Variants in RIMS2 observed in about 807,000 individuals in gnomAD.
RIMS2 encodes regulating synaptic membrane exocytosis protein 2.
A neutral mutation model predicts 174.4 loss-of-function variants in RIMS2; 59 were observed. The observed-to-expected ratio is 0.34, with a 90% CI of 0.27 to 0.42. The LOEUF (loss-of-function observed/expected upper bound fraction) is 0.42, where lower values mean the gene tolerates loss of function less well. RIMS2 is among the 10% of genes least tolerant of loss of function. The pLI, the probability that RIMS2 is intolerant of heterozygous loss-of-function variation, is 1.00. For missense variants in RIMS2, 1,620 were observed against 1,666.3 expected (o/e 0.97, Z 0.48); for synonymous variants, 606 against 572.5 (o/e 1.06, Z -0.84).
chr8:103,824,433 G>C (rs1290268555), intron 3 of RIMS2, among the ~76,000 whole-genome samples: 3 of 151,988 alleles, frequency 2.0e-5, no homozygotes, highest in African/African-American at 7.2e-5. Flanking sequence ...AGAATTCCTA[G>C]GACTCATCCA....
At chr8:103,994,202 C>T (rs753530338) in intron 17 of RIMS2, among the ~76,000 whole-genome samples, 22 of 152,000 alleles carry the variant, frequency 1.4e-4, no homozygotes, top group Admixed American at 8.5e-4. Context: ...AGGGGACATT[C>T]GGCTAATTTC....
At chr8:103,734,163 C>T (rs1451719515) in intron 2 of RIMS2, among the ~76,000 whole-genome samples, 2 of 151,502 alleles carry the variant, frequency 1.3e-5, no homozygotes, top group Non-Finnish European at 2.9e-5. Context: ...CAGGTGCACG[C>T]CACCACACCC....
chr8:103,531,839 T>A (rs573191428), intron 1 of RIMS2, among the ~76,000 whole-genome samples: 1 of 152,310 alleles, frequency 6.6e-6, no homozygotes, highest in East Asian at 1.9e-4. Flanking sequence ...AACCATGGTA[T>A]TTACAGTTGC....
intron 7 of RIMS2, among the ~76,000 whole-genome samples, chr8:103,915,923 T>C (rs576285912): frequency 6.6e-6 from 1 of 152,116 alleles, no homozygotes; most frequent in East Asian, 1.9e-4. Context: ...GCATATTTCC[T>C]ACCGTGTGTG....
chr8:103,993,560 A>C (rs2094869328), intron 17 of RIMS2, among the ~76,000 whole-genome samples: 1 of 152,208 alleles, frequency 6.6e-6, no homozygotes, highest in African/African-American at 2.4e-5. Flanking sequence ...AAGGAAACAT[A>C]TCTCTGATAG....
At chr8:103,895,616 C>G (rs1233955837) in intron 4 of RIMS2, among the ~76,000 whole-genome samples, 1 of 151,536 alleles carries the variant, frequency 6.6e-6, no homozygotes, top group Non-Finnish European at 1.5e-5. Context: ...TAGTCCGTGG[C>G]AGTCAGTTTC....
intron 2 of RIMS2, 115 bp downstream of exon 4, chr8:103,697,411 A>AT (rs2097116107): frequency 1.2e-6 from 1 of 864,296 alleles, no homozygotes; most frequent in Admixed American, 2.0e-5. Context: ...TAGCAAAAAC[A>AT]TTTTAAAATG....
rs899472167 is a variant in RIMS2, at chr8:104,113,703, A to G, written c.3334+99088A>G. The stretch of plus-strand genomic sequence containing the variant: ...ACATATATATATCATATATATACAT[A>G]TAATATGTACATATAGTTCTACTTT... On this transcript the variant is annotated intron_variant, in intron 19 of 23. Transcript: ENST00000504942. Among the ~76,000 whole-genome samples the G allele has an allele frequency of 2.6e-5, 4 of 151,606 alleles. No individual in the cohort carries two copies. In the East Asian group the frequency reaches 7.7e-4, roughly 29 times the overall value.
chr8:103,831,341 C>T (rs1319076050), intron 3 of RIMS2, among the ~76,000 whole-genome samples: 1 of 152,148 alleles, frequency 6.6e-6, no homozygotes, highest in Non-Finnish European at 1.5e-5. Context: ...TCATCTTTGA[C>T]CTGAAAGAGG....
chr8:104,176,380 A>G (rs761612280), intron 19 of RIMS2, among the ~76,000 whole-genome samples: 2 of 152,124 alleles, frequency 1.3e-5, no homozygotes, highest in Admixed American at 6.6e-5. Flanking sequence ...TGACTGTATT[A>G]TAAGCTGGAC....
At chr8:103,681,025 G>C (rs1472655528) in intron 1 of RIMS2, among the ~76,000 whole-genome samples, 4 of 151,848 alleles carry the variant, frequency 2.6e-5, no homozygotes, top group Non-Finnish European at 5.9e-5. Flanking sequence ...ATATTAAAGA[G>C]TAACGAATTA....
chr8:103,517,429 A>C (rs1273689227), intron 1 of RIMS2, among the ~76,000 whole-genome samples: 1 of 152,142 alleles, frequency 6.6e-6, no homozygotes. Context: ...GTGGAAGGTG[A>C]AGCTAGTTGG....
At position 104,165,464 on chromosome 8, in the gene RIMS2, G is replaced by A. The variant is rs1353229279; in HGVS notation, c.3335-79452G>A. Among the ~76,000 whole-genome samples the A allele has an allele frequency of 6.6e-5, 10 of 151,552 alleles. No individual in the cohort carries two copies. The East Asian group carries it at 1.9e-3, about 29-fold the overall frequency. On this transcript the variant is annotated intron_variant, in intron 19 of 23. Transcript: ENST00000504942. ...AACTTAGCGGGAAAAATTGTAAAAT[G>A]TCATATAAATATACTTTTTTCTGTT...
intron 1 of RIMS2, among the ~76,000 whole-genome samples, chr8:103,550,064 A>G (rs1163174334): frequency 1.3e-5 from 2 of 152,174 alleles, no homozygotes; most frequent in Non-Finnish European, 2.9e-5. Flanking sequence ...GAAAGTTAAC[A>G]AGGATATCCA....
intron 3 of RIMS2, among the ~76,000 whole-genome samples, chr8:103,869,727 T>C (rs971154528): frequency 1.3e-5 from 2 of 152,240 alleles, no homozygotes; most frequent in African/African-American, 4.8e-5. Flanking sequence ...GGGGCACTTA[T>C]ACAAGTTGGG....
At chr8:103,550,818 A>G (rs980209394) in intron 1 of RIMS2, among the ~76,000 whole-genome samples, 1 of 152,262 alleles carries the variant, frequency 6.6e-6, no homozygotes, top group African/African-American at 2.4e-5. Context: ...ATCGGAGAAT[A>G]CTATAAACAC....
intron 19 of RIMS2, among the ~76,000 whole-genome samples, chr8:104,063,906 G>T (rs2097054803): frequency 6.6e-6 from 1 of 152,016 alleles, no homozygotes; most frequent in African/African-American, 2.4e-5. Flanking sequence ...TGTGTCAGGA[G>T]TGTGTGTGTG....
At chr8:103,600,299 T>G (rs2094670048) in intron 1 of RIMS2, among the ~76,000 whole-genome samples, 2 of 150,446 alleles carry the variant, frequency 1.3e-5, no homozygotes, top group African/African-American at 5.0e-5. Context: ...AGACAGAGTC[T>G]CAGTCTGTCA....
At chr8:103,678,607 A>G (rs891835332) in intron 1 of RIMS2, among the ~76,000 whole-genome samples, 12 of 152,136 alleles carry the variant, frequency 7.9e-5, no homozygotes, top group Admixed American at 5.2e-4. Flanking sequence ...ACATTGTTAG[A>G]GAACTTGCTT....
Sources: gnomAD v4.1 joint callset for allele counts (sites outside exome capture counted in the v4.1 genomes callset) on GRCh38, gnomAD v4.1.1 for gene constraint, MANE v1.5 for transcripts, NCBI Gene and HGNC (gene_info 2026-07-23, HGNC 2026-07-21) for gene names.